The following BLM variants were observed in gnomAD, a reference collection of about 807,000 sequenced individuals.
BLM encodes BLM RecQ like helicase.
BLM carries 95 observed loss-of-function variants against 135.3 expected under a neutral mutation model. The observed-to-expected ratio is 0.70, with a 90% CI of 0.59 to 0.83. The LOEUF (loss-of-function observed/expected upper bound fraction) is 0.83. BLM is among the 40% of genes least tolerant of loss of function. The probability of loss-of-function intolerance (pLI) is 0.00; values close to 1 mark genes in which losing one functional copy is unlikely to be tolerated. For missense variants in BLM, 1,518 were observed against 1,663.9 expected (o/e 0.91, Z 1.53); for synonymous variants, 520 against 589.2 (o/e 0.88, Z 1.70).
At position 90,782,864 on chromosome 15, in the gene BLM, A is replaced by G. The variant is rs574053990; in HGVS notation, c.2598A>G (p.Val866=). Residue 866 remains valine (V), a synonymous_variant, in exon 13 of 22, where the codon GTA becomes GTG. Coordinates refer to ENST00000355112, the MANE Select transcript of BLM (RefSeq NM_000057.4). ...SFNRHNLKYY[V]LPKKPKKVAF... The stretch of plus-strand genomic sequence containing the variant: ...ACAGACATAATCTGAAATACTATGT[A>G]TTACCGAAAAAGCCTAAAAAGGTGG... 4 of 1,613,966 alleles carry G rather than the reference A, an allele frequency of 2.5e-6. No individual in the cohort carries two copies. Among genetic ancestry groups the G allele is most frequent in the Non-Finnish European group, 3.4e-6 (4 of 1,179,820 alleles).
intron 4 of BLM, among the ~76,000 whole-genome samples, chr15:90,753,926 T>C (rs1403962605): frequency 1.3e-5 from 2 of 152,252 alleles, no homozygotes; most frequent in Non-Finnish European, 2.9e-5. Flanking sequence ...TCTTTAATTA[T>C]AATGTTATTG....
chr15:90,782,822 G>T lies in BLM; in HGVS notation c.2556G>T (p.Val852=), dbSNP rs1896650229. Residue 852 remains valine (V), a splice_region_variant and synonymous_variant, in exon 13 of 22, where the codon GTG becomes GTT. Transcript: ENST00000355112. ...LTQLKILRPQ[V]FSMSFNRHNL... is the part of the protein sequence containing the mutation. Reference sequence around the variant, plus strand: ...AATTTTATGTTTGGGACTTTTTTAGGTTTAGCATGAGCTTTAACAGACATA... The same window carrying T: ...AATTTTATGTTTGGGACTTTTTTAGTTTTAGCATGAGCTTTAACAGACATA... 3 of 1,606,992 alleles carry T rather than the reference G, an allele frequency of 1.9e-6. No homozygotes were observed. Among genetic ancestry groups the T allele is most frequent in the Non-Finnish European group, 2.6e-6 (3 of 1,173,666 alleles).
At chr15:90,755,063 T>G (rs1361770823) in intron 5 of BLM, 125 bp downstream of exon 5, 1 of 1,198,424 alleles carries the variant, frequency 8.3e-7, no homozygotes, top group Admixed American at 2.3e-5. Flanking sequence ...TAGTTTCTTT[T>G]CTTCTAATGT....
At chr15:90,796,465 C>G (rs909931613) in intron 16 of BLM, among the ~76,000 whole-genome samples, 1 of 152,200 alleles carries the variant, frequency 6.6e-6, no homozygotes, top group African/African-American at 2.4e-5. Context: ...CGACTCACAG[C>G]TTTGCCATTG....
chr15:90,769,631 C>T, intron 12 of BLM, 45 bp downstream of exon 12: 1 of 1,589,742 alleles, frequency 6.3e-7, no homozygotes, highest in Non-Finnish European at 8.6e-7. Context: ...GGGGCAGTGA[C>T]TGCCAGAGCT....
intron 1 of BLM, among the ~76,000 whole-genome samples, chr15:90,722,928 CT>C: frequency 1.3e-5 from 2 of 152,136 alleles, no homozygotes; most frequent in African/African-American, 4.8e-5. Context: ...GCAACCTCTG[CT>C]TCCTGGGTTC....
At chr15:90,811,473 T>G in intron 21 of BLM, 67 bp downstream of exon 21, 35 of 1,496,272 alleles carry the variant, frequency 2.3e-5, no homozygotes, top group Non-Finnish European at 3.0e-5. Context: ...GCAACAGCTC[T>G]GCCTTGCTTT....
Position 90,815,171 on chromosome 15 carries a change from C to T in BLM, c.4146C>T (p.Ala1382=), listed in dbSNP as rs1897528058. Residue 1382 remains alanine, a synonymous_variant, in exon 22 of 22, where the codon GCC becomes GCT. Coordinates refer to ENST00000355112, the MANE Select transcript of BLM (RefSeq NM_000057.4). This position sits in a 1 kb window ranked among gnomAD's most constrained non-coding sequence, Gnocchi z 4.6. ...CCAGCATCATTGGATCCAGTTCAGC[C>T]TCACATACTTCTCAAGCGACATCAG... The part of the protein sequence containing the change: ...KSSSIIGSSS[A]SHTSQATSGA... 1 of 1,614,178 alleles carries T rather than the reference C, an allele frequency of 6.2e-7. No individual in the cohort carries two copies. The highest frequency in any genetic ancestry group is 1.6e-4 in the Middle Eastern group (1 of 6,062).
chr15:90,798,475 AAAG>A, intron 17 of BLM, 138 bp downstream of exon 17: 5 of 809,526 alleles, frequency 6.2e-6, no homozygotes, highest in Non-Finnish European at 9.7e-6. Context: ...TTAAGTAACA[AAAG>A]AAAGTCAATT....
rs2151187181 is a variant in BLM at position 90,794,194 on chromosome 15, G to C, written c.3047G>C (p.Arg1016Thr). The stretch of plus-strand genomic sequence containing the variant: ...GAAAAAGATGGAAACCATCATACAA[G>C]AGAAACTCACTTCAATAATTTGTAT... ...MMEKDGNHHTRETHFNNLYSM... is the reference protein window; with the variant it reads ...MMEKDGNHHTTETHFNNLYSM... The change falls in exon 16 of 22, where the codon AGA becomes ACA. Residue 1016 changes from arginine (R) to threonine (T), a missense_variant. Physicochemically the swap from Arg to Thr is moderately conservative, Grantham distance 71. Around this residue, in one of 5 missense-constraint regions of BLM, gnomAD observed 626 missense variants for 681.1 expected, o/e 0.92. Transcript: ENST00000355112. 6.2e-7 allele frequency: 1 copy of C among 1,604,992 alleles called. No homozygotes were observed. The highest frequency in any genetic ancestry group is 8.5e-7 in the Non-Finnish European group (1 of 1,174,434).
intron 12 of BLM, among the ~76,000 whole-genome samples, chr15:90,773,045 C>T (rs1017295946): frequency 1.2e-4 from 16 of 135,566 alleles, no homozygotes; most frequent in Non-Finnish European, 2.4e-4. Context: ...TGCAGGGAGC[C>T]GAGATTGCAC....
At position 90,749,833 on chromosome 15, in the gene BLM, G is replaced by A. The variant is rs1180631656; in HGVS notation, c.565G>A (p.Gly189Ser). ...RVSTAQKSKK[G>S]KRNFFKAQLY... is the part of the protein sequence containing the mutation. ...AAGCACTGCTCAGAAATCAAAAAAG[G>A]GTAAGAGAAACTTTTTTAAAGCACA... Residue 189 changes from glycine (G) to serine (S), a missense_variant, in exon 3 of 22, where the codon GGT becomes AGT. Physicochemically the swap from Gly to Ser is moderately conservative, Grantham distance 56. Transcript: ENST00000355112. The A allele has an allele frequency of 1.3e-5, 20 of 1,593,330 alleles. No homozygotes were observed. Among genetic ancestry groups the A allele is most frequent in the Non-Finnish European group, 1.6e-5 (19 of 1,170,986 alleles).
At chr15:90,787,269 G>A (rs996223646) in intron 14 of BLM, among the ~76,000 whole-genome samples, 2 of 151,568 alleles carry the variant, frequency 1.3e-5, no homozygotes, top group Non-Finnish European at 2.9e-5. Context: ...TAGCCAGGAG[G>A]GTCTCGATCT....
chr15:90,765,477 T>A, intron 9 of BLM, 63 bp downstream of exon 9: 1 of 1,262,624 alleles, frequency 7.9e-7, no homozygotes. Flanking sequence ...GTCCTCTGGA[T>A]AACCTTTTTA....
At chr15:90,766,067 C>T (rs1385751088) in intron 9 of BLM, among the ~76,000 whole-genome samples, 1 of 152,112 alleles carries the variant, frequency 6.6e-6, no homozygotes, top group Non-Finnish European at 1.5e-5. Flanking sequence ...CATGATCATG[C>T]CACTACAATC....
intron 1 of BLM, among the ~76,000 whole-genome samples, chr15:90,746,442 A>C (rs1895504446): frequency 6.6e-6 from 1 of 152,242 alleles, no homozygotes; most frequent in Non-Finnish European, 1.5e-5. Context: ...TATTATGATC[A>C]TGCTTATAAA....
chr15:90,780,809 A>G (rs925908281), intron 12 of BLM, among the ~76,000 whole-genome samples: 1 of 152,180 alleles, frequency 6.6e-6, no homozygotes, highest in Non-Finnish European at 1.5e-5. Flanking sequence ...TGTAGCAACT[A>G]TTTACATGGC....
intron 14 of BLM, among the ~76,000 whole-genome samples, chr15:90,789,071 TA>T: frequency 6.6e-6 from 1 of 150,462 alleles, no homozygotes; most frequent in Admixed American, 6.6e-5. Context: ...ATAACTTTGA[TA>T]AAAAATATGG....
chr15:90,810,777 C>T (rs532756319), intron 20 of BLM, among the ~76,000 whole-genome samples: 2 of 152,134 alleles, frequency 1.3e-5, no homozygotes, highest in East Asian at 3.9e-4. Context: ...GATACAGGAC[C>T]GTTTGTTTCC....
Sources: gnomAD v4.1 joint callset for allele counts (sites outside exome capture counted in the v4.1 genomes callset) on GRCh38, gnomAD v4.1.1 for gene constraint, gnomAD v4.1.1 regional missense constraint, Gnocchi (gnomAD v3.1) non-coding constraint, MANE v1.5 for transcripts, NCBI Gene and HGNC (gene_info 2026-07-23, HGNC 2026-07-21) for gene names.